CNTN1: variants seen among roughly 807,000 people sequenced by gnomAD.
CNTN1 encodes contactin 1, also known as contactin-1.
Under a neutral mutation model 126.4 loss-of-function variants are expected in CNTN1, and 38 were observed. The observed-to-expected ratio is 0.30, with a 90% CI of 0.23 to 0.39. CNTN1 has a LOEUF of 0.39. Among genes scored for constraint, CNTN1 ranks in the 10% least tolerant of loss-of-function variants. The probability of loss-of-function intolerance (pLI) is 1.00; values close to 1 mark genes in which losing one functional copy is unlikely to be tolerated. For missense variants in CNTN1, 1,009 were observed against 1,248.4 expected (o/e 0.81, Z 2.89); for synonymous variants, 413 against 422.6 (o/e 0.98, Z 0.28).
rs543770928 is a variant in CNTN1, at chr12:40,718,335, AT to A, written c.-77+25754del. On this transcript the variant is annotated intron_variant, in intron 1 of 23. Coordinates refer to ENST00000551295, the MANE Select transcript of CNTN1 (RefSeq NM_001843.4). ...AGGCACGTGCTACCATGCCCGGCTA[AT>A]TTTTTTTTTTCTTTTTTGTATTTTA... Among the ~76,000 whole-genome samples, 953 of 147,840 alleles carry A rather than the reference AT, an allele frequency of 6.4e-3. 2 individuals carry two copies. Among genetic ancestry groups the A allele is most frequent in the Non-Finnish European group, 8.8e-3 (583 of 66,590 alleles).
In CNTN1 at chr12:40,933,353, A is replaced by G. The variant is rs796312692; in HGVS notation, c.704-108A>G. ...TGATATGACCTGTACCTGTACAGAG[A>G]AAAGCTTCCATGTTGGAGCAGCTCT... On this transcript the variant is annotated intron_variant, in intron 7 of 23. Coordinates refer to ENST00000551295, the MANE Select transcript of CNTN1 (RefSeq NM_001843.4). 13 of 817,456 alleles carry G rather than the reference A, an allele frequency of 1.6e-5. 1 individual carries two copies. The African/African-American group carries it at 2.2e-4, about 14-fold the overall frequency. 50.6% of individuals were successfully genotyped at this position (817,456 alleles called of 1,614,324 possible).
At chr12:41,062,962 T>C (rs1949968536) in intron 23 of CNTN1, among the ~76,000 whole-genome samples, 1 of 152,210 alleles carries the variant, frequency 6.6e-6, no homozygotes, top group African/African-American at 2.4e-5. Context: ...AATTCCCAAC[T>C]GATTAGACTA....
At chr12:40,788,884 CCCGCTACA>C (rs1394524576) in intron 1 of CNTN1, among the ~76,000 whole-genome samples, 2 of 152,048 alleles carry the variant, frequency 1.3e-5, no homozygotes, top group African/African-American at 2.4e-5. Flanking sequence ...ATGTAAAGTA[CCCGCTACA>C]TAGTAGACAC....
At chr12:40,953,863 G>GA (rs1464047538) in intron 14 of CNTN1, among the ~76,000 whole-genome samples, 1 of 151,876 alleles carries the variant, frequency 6.6e-6, no homozygotes, top group Non-Finnish European at 1.5e-5. Context: ...AGAGTTTAGG[G>GA]AAAAAAGATA....
intron 1 of CNTN1, among the ~76,000 whole-genome samples, chr12:40,855,949 C>A (rs567740182): frequency 1.3e-5 from 2 of 152,250 alleles, no homozygotes; most frequent in African/African-American, 4.8e-5. Context: ...TTCTCAATAG[C>A]CATACCAGTA....
At chr12:40,879,631 G>A (rs1943804901) in intron 1 of CNTN1, among the ~76,000 whole-genome samples, 1 of 152,040 alleles carries the variant, frequency 6.6e-6, no homozygotes, top group African/African-American at 2.4e-5. Context: ...TATGTGTCAG[G>A]CAGCAAGGAG....
At chr12:40,937,218 T>C (rs1946112397) in intron 10 of CNTN1, among the ~76,000 whole-genome samples, 1 of 152,084 alleles carries the variant, frequency 6.6e-6, no homozygotes, top group Admixed American at 6.6e-5. Flanking sequence ...ACTATTTTCC[T>C]GTACCCCACA....
intron 15 of CNTN1, among the ~76,000 whole-genome samples, chr12:40,976,528 T>C (rs1233500487): frequency 6.9e-6 from 1 of 145,930 alleles, no homozygotes; most frequent in Non-Finnish European, 1.5e-5. Flanking sequence ...CGCATGGTAA[T>C]GGAAACTAAA....
chr12:40,875,415 CCCT>C (rs1943635553), intron 1 of CNTN1, among the ~76,000 whole-genome samples: 1 of 152,000 alleles, frequency 6.6e-6, no homozygotes, highest in African/African-American at 2.4e-5. Context: ...CCTGCTCATC[CCCT>C]CCTTAACCCC....
intron 17 of CNTN1, among the ~76,000 whole-genome samples, chr12:40,994,208 G>T (rs1040661151): frequency 6.6e-6 from 1 of 152,002 alleles, no homozygotes; most frequent in Admixed American, 6.6e-5. Context: ...GAAGGAGGGA[G>T]GCCTACATCT....
Position 40,925,844 on chromosome 12 carries a change from G to GTATA in CNTN1, c.496+1212_496+1215dup, listed in dbSNP as rs1201149636. Among the ~76,000 whole-genome samples, 93 of 38,344 alleles carry GTATA rather than the reference G, an allele frequency of 2.4e-3. 1 individual carries two copies. Among genetic ancestry groups the GTATA allele is most frequent in the Non-Finnish European group, 2.8e-3 (51 of 18,036 alleles). 25.2% of individuals were successfully genotyped at this position (38,344 alleles called of 152,430 possible). ...TATATATATATGTATGTGTGTGTGT[G>GTATA]TATATATATATATATATATATATGT... On this transcript the variant is annotated intron_variant, in intron 6 of 23. Transcript: ENST00000551295.
intron 1 of CNTN1, among the ~76,000 whole-genome samples, chr12:40,720,256 AG>A (rs1211702626): frequency 1.3e-5 from 2 of 152,184 alleles, no homozygotes; most frequent in Non-Finnish European, 2.9e-5. Flanking sequence ...GAATCAAAAG[AG>A]TAAGTTTTGA....
chr12:40,989,822 G>A (rs993257813), intron 16 of CNTN1, among the ~76,000 whole-genome samples: 5 of 151,996 alleles, frequency 3.3e-5, no homozygotes, highest in Admixed American at 2.6e-4. Flanking sequence ...CAAGCAAGGG[G>A]GAGACAGAAG....
chr12:40,890,179 G>A (rs951674783), intron 1 of CNTN1, among the ~76,000 whole-genome samples: 2 of 152,034 alleles, frequency 1.3e-5, no homozygotes, highest in Non-Finnish European at 2.9e-5. Flanking sequence ...TTATAATTTT[G>A]TTATTTTTTA....
intron 7 of CNTN1, among the ~76,000 whole-genome samples, chr12:40,931,729 G>A (rs1448960389): frequency 3.3e-5 from 5 of 151,832 alleles, no homozygotes; most frequent in Non-Finnish European, 7.4e-5. Flanking sequence ...TAATTAGTAG[G>A]TAAGCACCTG....
chr12:40,808,139 A>G (rs1248877629), intron 1 of CNTN1, among the ~76,000 whole-genome samples: 1 of 152,234 alleles, frequency 6.6e-6, no homozygotes, highest in Non-Finnish European at 1.5e-5. Context: ...AGAACTTACT[A>G]TAGCTCAACT....
intron 15 of CNTN1, among the ~76,000 whole-genome samples, chr12:40,965,666 C>A (rs933897866): frequency 3.9e-5 from 6 of 151,994 alleles, no homozygotes; most frequent in Non-Finnish European, 8.8e-5. Flanking sequence ...AGCTCAGGGA[C>A]CTTGGATATT....
intron 3 of CNTN1, among the ~76,000 whole-genome samples, chr12:40,917,061 C>CGGGG (rs141873598): frequency 5.9e-4 from 16 of 27,160 alleles, no homozygotes; most frequent in East Asian, 8.5e-4. Flanking sequence ...GTGGTGGGGG[C>CGGGG]GGGGGGGGGG....
rs541802936 is a variant in CNTN1 at position 40,841,534 on chromosome 12, C to T, written c.-76-66823C>T. On this transcript the variant is annotated intron_variant, in intron 1 of 23. Coordinates refer to ENST00000551295, the MANE Select transcript of CNTN1 (RefSeq NM_001843.4). ...ATGGACACAAAAATCTGCAACAAAA[C>T]ACTAGCAAAATAAATCCAATAACAT... is the stretch of plus-strand genomic sequence containing the variant. Among the ~76,000 whole-genome samples the T allele has an allele frequency of 5.9e-5, 9 of 151,922 alleles. 1 individual carries two copies. In the South Asian group the frequency reaches 1.9e-3, roughly 32 times the overall value.
Sources: allele counts gnomAD v4.1 joint callset (sites outside exome capture counted in the v4.1 genomes callset), GRCh38; gene constraint gnomAD v4.1.1; transcripts MANE v1.5; gene names NCBI Gene and HGNC (gene_info 2026-07-23, HGNC 2026-07-21).